CPNE8: variants seen among roughly 807,000 people sequenced by gnomAD.
CPNE8 encodes the protein copine 8.
A neutral mutation model predicts 81.5 loss-of-function variants in CPNE8; 45 were observed. The observed-to-expected ratio is 0.55, with a 90% CI of 0.44 to 0.71. The LOEUF (loss-of-function observed/expected upper bound fraction) is 0.71. CPNE8 is among the 30% of genes least tolerant of loss of function. The pLI is 0.00. For missense variants in CPNE8, 594 were observed against 672.1 expected (o/e 0.88, Z 1.28); for synonymous variants, 252 against 226.3 (o/e 1.11, Z -1.02).
chr12:38,839,463 G>A lies in CPNE8; in HGVS notation c.330+453C>T, dbSNP rs1198404581. Among the ~76,000 whole-genome samples, 3 of 151,718 alleles carry A rather than the reference G, an allele frequency of 2.0e-5. No individual in the cohort carries two copies. The East Asian group carries it at 5.8e-4, about 30-fold the overall frequency. ...CTATCATGCCCATATTATGCCCTCT[G>A]AAACTAGCACAATGCCTGGCATATA... On this transcript the variant is annotated intron_variant, in intron 5 of 19. Coordinates refer to ENST00000331366, the MANE Select transcript of CPNE8 (RefSeq NM_153634.3).
chr12:38,864,854 C>T (rs763453785), intron 3 of CPNE8, among the ~76,000 whole-genome samples: 29 of 152,098 alleles, frequency 1.9e-4, no homozygotes, highest in Non-Finnish European at 2.9e-4. Flanking sequence ...AGGATCATAT[C>T]GCTATCTAAG....
At chr12:38,878,342 T>G (rs1294954289) in intron 1 of CPNE8, among the ~76,000 whole-genome samples, 4 of 152,212 alleles carry the variant, frequency 2.6e-5, no homozygotes, top group Admixed American at 1.3e-4. Context: ...CTGGGTTAAC[T>G]GGAGAGGTGT....
intron 6 of CPNE8, among the ~76,000 whole-genome samples, chr12:38,789,715 T>A (rs1039662601): frequency 1.3e-5 from 2 of 151,508 alleles, no homozygotes; most frequent in Non-Finnish European, 3.0e-5. Context: ...GGATTCATAA[T>A]CAGAATACAT....
chr12:38,685,808 T>C (rs192772318), intron 15 of CPNE8, 191 bp from the exon 16 acceptor site: 7,753 of 459,904 alleles, frequency 0.017, 138 homozygotes, highest in South Asian at 0.053. Flanking sequence ...TGATATATTA[T>C]GTAGATAATA....
chr12:38,682,706 T>C (rs1025977428), intron 16 of CPNE8, among the ~76,000 whole-genome samples: 2 of 152,206 alleles, frequency 1.3e-5, no homozygotes, highest in African/African-American at 4.8e-5. Context: ...GTGGAAAAGA[T>C]CTACATGTAA....
intron 10 of CPNE8, among the ~76,000 whole-genome samples, chr12:38,757,574 T>A (rs1323175261): frequency 6.6e-6 from 1 of 151,940 alleles, no homozygotes; most frequent in East Asian, 1.9e-4. Flanking sequence ...ATTAAAAGGG[T>A]TATCAAGAAT....
chr12:38,740,409 G>T (rs1941069830), intron 10 of CPNE8, among the ~76,000 whole-genome samples: 1 of 152,128 alleles, frequency 6.6e-6, no homozygotes, highest in African/African-American at 2.4e-5. Flanking sequence ...TGATTGCCGT[G>T]GCCAGAACTT....
chr12:38,774,944 T>C (rs2136887434), intron 7 of CPNE8, among the ~76,000 whole-genome samples: 1 of 152,234 alleles, frequency 6.6e-6, no homozygotes, highest in Non-Finnish European at 1.5e-5. Flanking sequence ...CACTCATCTG[T>C]TATTATAGTT....
At chr12:38,803,504 A>C (rs1175855417) in intron 6 of CPNE8, among the ~76,000 whole-genome samples, 1 of 149,326 alleles carries the variant, frequency 6.7e-6, no homozygotes, top group Non-Finnish European at 1.5e-5. Context: ...GATGGGACGT[A>C]TTTCAGAATA....
intron 1 of CPNE8, among the ~76,000 whole-genome samples, chr12:38,904,956 C>T (rs1944546497): frequency 6.6e-6 from 1 of 152,072 alleles, no homozygotes; most frequent in African/African-American, 2.4e-5. Flanking sequence ...CTGGAAGGCT[C>T]CAGGAAGTGG....
chr12:38,879,384 A>G (rs1461242490), intron 1 of CPNE8, among the ~76,000 whole-genome samples: 1 of 152,066 alleles, frequency 6.6e-6, no homozygotes, highest in African/African-American at 2.4e-5. Context: ...CTGTGAGCCT[A>G]AATTTTCATG....
intron 3 of CPNE8, among the ~76,000 whole-genome samples, chr12:38,870,818 A>AT (rs1275824988): frequency 6.6e-6 from 1 of 151,200 alleles, no homozygotes; most frequent in African/African-American, 2.4e-5. Flanking sequence ...ATAAATAAAA[A>AT]TAAAAATAAA....
chr12:38,888,259 T>C (rs1944263739), intron 1 of CPNE8, among the ~76,000 whole-genome samples: 1 of 152,242 alleles, frequency 6.6e-6, no homozygotes, highest in African/African-American at 2.4e-5. Flanking sequence ...AAAAGTCATG[T>C]ATATTCAGGC....
intron 8 of CPNE8, among the ~76,000 whole-genome samples, chr12:38,767,364 C>T (rs1210850422): frequency 6.6e-6 from 1 of 151,914 alleles, no homozygotes; most frequent in Non-Finnish European, 1.5e-5. Context: ...AAATATAATT[C>T]TTCTAAACTA....
intron 13 of CPNE8, among the ~76,000 whole-genome samples, chr12:38,711,764 C>T (rs1305775977): frequency 9.2e-5 from 14 of 152,224 alleles, no homozygotes; most frequent in East Asian, 7.7e-4. Flanking sequence ...CCACTACGCC[C>T]GGCCCAAGTA....
intron 6 of CPNE8, among the ~76,000 whole-genome samples, chr12:38,781,425 A>T (rs1375761891): frequency 2.6e-5 from 4 of 152,084 alleles, no homozygotes; most frequent in South Asian, 2.1e-4. Context: ...GATTCAAAAA[A>T]TTCAAAAGAA....
At chr12:38,710,222 T>C (rs1010820002) in intron 13 of CPNE8, among the ~76,000 whole-genome samples, 3 of 97,684 alleles carry the variant, frequency 3.1e-5, no homozygotes, top group Middle Eastern at 0.011. Flanking sequence ...ACCTCTTTTC[T>C]AACCAATAGT....
At chr12:38,885,085 T>G (rs114177380) in intron 1 of CPNE8, among the ~76,000 whole-genome samples, 2,312 of 152,210 alleles carry the variant, frequency 0.015, 57 homozygotes, top group African/African-American at 0.053. Context: ...ATTTTAAAAT[T>G]TTGGCATAAA....
intron 6 of CPNE8, among the ~76,000 whole-genome samples, chr12:38,805,624 CA>C (rs1232303141): frequency 2.8e-4 from 28 of 98,434 alleles, no homozygotes; most frequent in African/African-American, 8.9e-4. Flanking sequence ...AACTAACCTG[CA>C]CAATGTGCAC....
Sources: gnomAD v4.1 joint callset for allele counts (sites outside exome capture counted in the v4.1 genomes callset) on GRCh38, gnomAD v4.1.1 for gene constraint, MANE v1.5 for transcripts, NCBI Gene and HGNC (gene_info 2026-07-23, HGNC 2026-07-21) for gene names.